Variants in COL7A1 observed in about 807,000 individuals in gnomAD.
COL7A1 encodes collagen alpha-1(VII) chain.
COL7A1 carries 296 observed loss-of-function variants against 456.2 expected under a neutral mutation model. The observed-to-expected ratio is 0.65, with a 90% CI of 0.59 to 0.71. The LOEUF (loss-of-function observed/expected upper bound fraction) is 0.71. COL7A1 is among the 30% of genes least tolerant of loss of function. The pLI, the probability that COL7A1 is intolerant of heterozygous loss-of-function variation, is 0.00. For missense variants in COL7A1, 3,441 were observed against 4,017.2 expected (o/e 0.86, Z 3.88); for synonymous variants, 1,464 against 1,525.9 (o/e 0.96, Z 0.95).
chr3:48,580,956 C>T lies in COL7A1; in HGVS notation c.4936-30G>A. 6.2e-7 allele frequency: 1 copy of T among 1,613,536 alleles called. No individual in the cohort carries two copies. ...TGATAGAGAGAAAAGTCATACTGCA[C>T]AGGGCAGTCAGGATCTAACTCACTC... On this transcript the variant is annotated intron_variant, in intron 53 of 118. Coordinates refer to ENST00000681320, the MANE Select transcript of COL7A1 (RefSeq NM_000094.4). This position sits in a 1 kb window ranked among gnomAD's most constrained non-coding sequence, Gnocchi z 4.5.
chr3:48,582,393 G>C, intron 46 of COL7A1, 35 bp from the exon 47 acceptor site: 1 of 1,614,096 alleles, frequency 6.2e-7, no homozygotes. Context: ...GACAGGTCAG[G>C]GAGTCACCTA....
At chr3:48,595,226 G>A (rs1284110939) in intron 1 of COL7A1, 42 bp downstream of exon 1, 1 of 1,370,732 alleles carries the variant, frequency 7.3e-7, no homozygotes, top group Non-Finnish European at 1.0e-6. Flanking sequence ...GGCCTTGGCA[G>A]GTCCGAGCCC....
At position 48,571,982 on chromosome 3, in the gene COL7A1, GC is replaced by G; in HGVS notation, c.7068+18del. The G allele has an allele frequency of 6.2e-7, 1 of 1,610,688 alleles. No individual in the cohort carries two copies. The highest frequency in any genetic ancestry group is 1.1e-5 in the South Asian group (1 of 90,502). ...CACTCCTCAGGCCAGGCTCGCCCTT[GC>G]CTAGGCCCCGGACTCACATCTTCCC... On this transcript the variant is annotated intron_variant, in intron 92 of 118. Transcript: ENST00000681320. This position sits in a 1 kb window ranked among gnomAD's most constrained non-coding sequence, Gnocchi z 4.6.
chr3:48,594,987 G>A lies in COL7A1; in HGVS notation c.85+88C>T, dbSNP rs2045976416. 5 of 1,096,220 alleles carry A rather than the reference G, an allele frequency of 4.6e-6. No individual in the cohort carries two copies. The South Asian group carries it at 6.9e-5, about 15-fold the overall frequency. The allele number at this position is 1,096,220 out of a possible 1,614,324, so 67.9% of individuals were successfully genotyped here. On this transcript the variant is annotated intron_variant, in intron 2 of 118. Transcript: ENST00000681320. The surrounding 1 kb of genome is among the most constrained non-coding windows in gnomAD (Gnocchi z 5.5). Reference sequence around the variant, plus strand: ...GCGTCGTGGAGTTGGCTGGGTTGTGGGCGGGGGGTGTTGGGGATGAAGGCC... The same window carrying A: ...GCGTCGTGGAGTTGGCTGGGTTGTGAGCGGGGGGTGTTGGGGATGAAGGCC...
In COL7A1 at chr3:48,567,088, A is replaced by C. The variant is rs2633954; in HGVS notation, c.8109+40T>G. 3.1e-6 allele frequency: 5 copies of C among 1,613,050 alleles called. No homozygotes were observed. The East Asian group carries it at 8.9e-5, about 29-fold the overall frequency. ...AGAGATGGACCCTCTCCCAAAGTGC[A>C]CGCTCCCCTCAATTCACCATGACCA... On this transcript the variant is annotated intron_variant, in intron 110 of 118. Coordinates refer to ENST00000681320, the MANE Select transcript of COL7A1 (RefSeq NM_000094.4). The surrounding 1 kb of genome is among the most constrained non-coding windows in gnomAD (Gnocchi z 4.3).
At chr3:48,576,128 G>A in intron 71 of COL7A1, 121 bp downstream of exon 71, 1 of 1,494,532 alleles carries the variant, frequency 6.7e-7, no homozygotes, top group Non-Finnish European at 9.2e-7. Context: ...CCCCAATGGG[G>A]CAGGGCACTG....
At position 48,585,369 on chromosome 3, in the gene COL7A1, G is replaced by T. The variant is rs1158574552; in HGVS notation, c.3894+188C>A. 6.6e-6 allele frequency among the ~76,000 whole-genome samples: 1 copy of T among 152,210 alleles called. No individual in the cohort carries two copies. Among genetic ancestry groups the T allele is most frequent in the Non-Finnish European group, 1.5e-5 (1 of 68,028 alleles). The stretch of plus-strand genomic sequence containing the variant: ...AGCTGCTGCTCAGGCTCTGCAGCGG[G>T]GCTAGAGGCCCCACTGGCCCTTCTA... On this transcript the variant is annotated intron_variant, in intron 32 of 118. Transcript: ENST00000681320. The surrounding 1 kb of genome is among the most constrained non-coding windows in gnomAD (Gnocchi z 4.5).
Position 48,565,160 on chromosome 3 carries a change from C to G in COL7A1, c.8569G>C (p.Glu2857Gln), listed in dbSNP as rs372166543. The change falls in exon 117 of 119, where the codon GAG becomes CAG. Residue 2857 changes from glutamate (E) to glutamine (Q), a missense_variant. By Grantham distance (29) the Glu-to-Gln change is conservative. Around this residue, in one of 3 missense-constraint regions of COL7A1, gnomAD observed 2,084 missense variants for 2,501.3 expected, o/e 0.83. Coordinates refer to ENST00000681320, the MANE Select transcript of COL7A1 (RefSeq NM_000094.4). This position sits in a 1 kb window ranked among gnomAD's most constrained non-coding sequence, Gnocchi z 4.5. ...TCCTGGTACTCCTCCACAGAATACT[C>G]GGAGTATTCAGAGTACTCATCATCC... Reference protein sequence around the residue: ...PEDDEYSEYSEYSVEEYQDPE... With the variant: ...PEDDEYSEYSQYSVEEYQDPE... 3.1e-6 allele frequency: 5 copies of G among 1,614,046 alleles called. No individual in the cohort carries two copies. The South Asian group carries it at 5.5e-5, about 18-fold the overall frequency.
rs2045028474 is a variant in COL7A1, at chr3:48,584,186, G to A, written c.4197+112C>T. On this transcript the variant is annotated intron_variant, in intron 37 of 118. Coordinates refer to ENST00000681320, the MANE Select transcript of COL7A1 (RefSeq NM_000094.4). ...TTTGGGAGAACTGAGGCGTCATGGT[G>A]AGGATGGGGGTAATCAAAGGGTCAC... The A allele has an allele frequency of 2.6e-6, 4 of 1,562,744 alleles. No homozygotes were observed. In the South Asian group the frequency reaches 3.4e-5, roughly 13 times the overall value.
chr3:48,590,226 G>A lies in COL7A1; in HGVS notation c.2037C>T (p.Ile679=), dbSNP rs1346527971. The A allele has an allele frequency of 8.7e-6, 14 of 1,613,482 alleles. No individual in the cohort carries two copies. The highest frequency in any genetic ancestry group is 1.0e-5 in the Non-Finnish European group (12 of 1,179,888). Residue 679 remains isoleucine (I), a synonymous_variant, in exon 16 of 119, where the codon ATC becomes ATT. Coordinates refer to ENST00000681320, the MANE Select transcript of COL7A1 (RefSeq NM_000094.4). This position sits in a 1 kb window ranked among gnomAD's most constrained non-coding sequence, Gnocchi z 4.6. ...RGREEGPAAV[I]VARTDPLGPV... ...GCAGGGCCTGACCCGTTCGAGCCAC[G>A]ATGACTGCAGCAGGGCCCTCCTCTC...
rs774397997 is a variant in COL7A1, at chr3:48,585,008, C to T, written c.3975+28G>A. 2 of 1,613,604 alleles carry T rather than the reference C, an allele frequency of 1.2e-6. No homozygotes were observed. Among genetic ancestry groups the T allele is most frequent in the Non-Finnish European group, 1.7e-6 (2 of 1,179,978 alleles). On this transcript the variant is annotated intron_variant, in intron 33 of 118. Coordinates refer to ENST00000681320, the MANE Select transcript of COL7A1 (RefSeq NM_000094.4). This position sits in a 1 kb window ranked among gnomAD's most constrained non-coding sequence, Gnocchi z 4.5. ...CCCCACCCACTCAGGCAGCGCCCAC[C>T]CTGACCTGCAGGACAAGGCTTGCTC... is the stretch of plus-strand genomic sequence containing the variant.
At position 48,583,068 on chromosome 3, in the gene COL7A1, C is replaced by A. The variant is rs774978554; in HGVS notation, c.4483-20G>T. The A allele has an allele frequency of 1.5e-5, 24 of 1,613,856 alleles. No homozygotes were observed. The highest frequency in any genetic ancestry group is 3.3e-5 in the Admixed American group (2 of 59,988). Reference sequence around the variant, plus strand: ...TTCGCCCTGATGGAAAAGAAGAGGTCAGAGCTGAGTTGGGCCCAGATCCTC... The same window carrying A: ...TTCGCCCTGATGGAAAAGAAGAGGTAAGAGCTGAGTTGGGCCCAGATCCTC... On this transcript the variant is annotated intron_variant, in intron 43 of 118. Transcript: ENST00000681320. This position sits in a 1 kb window ranked among gnomAD's most constrained non-coding sequence, Gnocchi z 5.1.
chr3:48,589,758 A>G, intron 16 of COL7A1, 40 bp from the exon 17 acceptor site: 2 of 1,613,694 alleles, frequency 1.2e-6, no homozygotes, highest in Non-Finnish European at 1.7e-6. Context: ...TGGAACAGGC[A>G]GGAAGGAGTG....
rs1372778003 is a variant in COL7A1, at chr3:48,578,900, A to G, written c.5424+19T>C. 3.7e-6 allele frequency: 6 copies of G among 1,612,950 alleles called. No individual in the cohort carries two copies. The Admixed American group carries it at 8.3e-5, about 22-fold the overall frequency. On this transcript the variant is annotated intron_variant, in intron 63 of 118. Coordinates refer to ENST00000681320, the MANE Select transcript of COL7A1 (RefSeq NM_000094.4). This position sits in a 1 kb window ranked among gnomAD's most constrained non-coding sequence, Gnocchi z 4.7. Reference sequence around the variant, plus strand: ...CGCAGCCCCGAGCCCCCTCTGTCCCAGCATCTCCCCTCACTTACGTCTCTC... The same window carrying G: ...CGCAGCCCCGAGCCCCCTCTGTCCCGGCATCTCCCCTCACTTACGTCTCTC...
In COL7A1 at chr3:48,582,631, C is replaced by T. The variant is rs146686264; in HGVS notation, c.4541G>A (p.Arg1514His). Residue 1514 changes from arginine (R) to histidine (H), a missense_variant, in exon 45 of 119, where the codon CGT becomes CAT. This residue lies in a region of COL7A1 where 2,084 missense variants were observed against 2,501.3 expected (regional missense o/e 0.83). Transcript: ENST00000681320. ...GSRGLPGVAG[R>H]PGAKGPEGPP... ...CACTTCAGGACCCTTGGCTCCAGGA[C>T]GTCCAGCAACCCCTGGCAGCCCCTG... 1.1e-5 allele frequency: 17 copies of T among 1,613,486 alleles called. No individual in the cohort carries two copies. In the African/African-American group the frequency reaches 1.2e-4, roughly 11 times the overall value.
Position 48,569,795 on chromosome 3 carries a change from T to G in COL7A1, c.7522-35A>C. On this transcript the variant is annotated intron_variant, in intron 100 of 118. Coordinates refer to ENST00000681320, the MANE Select transcript of COL7A1 (RefSeq NM_000094.4). The surrounding 1 kb of genome is among the most constrained non-coding windows in gnomAD (Gnocchi z 4.9). ...AAAAGAGTGTGAGTCCCGCCCAAAC[T>G]GGGGAGGCCCCGCACCTGAATTCTA... 1 of 1,614,056 alleles carries G rather than the reference T, an allele frequency of 6.2e-7. No individual in the cohort carries two copies. The highest frequency in any genetic ancestry group is 2.2e-5 in the East Asian group (1 of 44,864).
chr3:48,566,706 A>C lies in COL7A1; in HGVS notation c.8258T>G (p.Val2753Gly). ...GERGPPGERV[V>G]GAPGVPGAPG... is the part of the protein sequence containing the mutation. ...AGCTCCAGGGACCCCAGGAGCCCCCACCACTCTCTCTCCGGGGGGACCTCG... is the reference window on the plus strand; with the variant it reads ...AGCTCCAGGGACCCCAGGAGCCCCCCCCACTCTCTCTCCGGGGGGACCTCG... The change falls in exon 112 of 119, where the codon GTG becomes GGG. Residue 2753 changes from valine to glycine, a missense_variant. This residue lies in a region of COL7A1 where 2,084 missense variants were observed against 2,501.3 expected (regional missense o/e 0.83). Coordinates refer to ENST00000681320, the MANE Select transcript of COL7A1 (RefSeq NM_000094.4). The surrounding 1 kb of genome is among the most constrained non-coding windows in gnomAD (Gnocchi z 5.9). 1 of 1,613,680 alleles carries C rather than the reference A, an allele frequency of 6.2e-7. No homozygotes were observed. Among genetic ancestry groups the C allele is most frequent in the Non-Finnish European group, 8.5e-7 (1 of 1,179,868 alleles).
At chr3:48,582,796 A>G in intron 44 of COL7A1, 143 bp from the exon 45 acceptor site, 1 of 1,140,566 alleles carries the variant, frequency 8.8e-7, no homozygotes, top group East Asian at 2.5e-5. Context: ...TGGCAGGAGA[A>G]CAGAGACCAG....
rs761182276 is a variant in COL7A1, at chr3:48,585,048, G to A, written c.3963C>T (p.Ala1321=). The change falls in exon 33 of 119, where the codon GCC becomes GCT. Residue 1321 remains alanine (A), a synonymous_variant. Coordinates refer to ENST00000681320, the MANE Select transcript of COL7A1 (RefSeq NM_000094.4). This position sits in a 1 kb window ranked among gnomAD's most constrained non-coding sequence, Gnocchi z 4.5. ...GRAGNPGTPG[A]PGLKGSPGLP... is the part of the protein sequence containing the mutation. ...AAGGCTTGCTCACCTTTAGGCCAGG[G>A]GCTCCAGGGGTCCCAGGATTCCCGG... The A allele has an allele frequency of 1.7e-5, 28 of 1,612,938 alleles. No homozygotes were observed. In the South Asian group the frequency reaches 3.0e-4, roughly 17 times the overall value.
Sources: gnomAD v4.1 joint callset for allele counts (sites outside exome capture counted in the v4.1 genomes callset) on GRCh38, gnomAD v4.1.1 for gene constraint, gnomAD v4.1.1 regional missense constraint, Gnocchi (gnomAD v3.1) non-coding constraint, MANE v1.5 for transcripts, NCBI Gene and HGNC (gene_info 2026-07-23, HGNC 2026-07-21) for gene names.